EXOC4: variants seen among roughly 807,000 people sequenced by gnomAD.
EXOC4 encodes exocyst complex component 4.
Under a neutral mutation model 107.2 loss-of-function variants are expected in EXOC4, and 71 were observed. That is an observed-to-expected ratio of 0.66 (90% CI 0.55 to 0.81). The LOEUF (loss-of-function observed/expected upper bound fraction) is 0.81, where lower values mean the gene tolerates loss of function less well. Among genes scored for constraint, EXOC4 ranks in the 30% least tolerant of loss-of-function variants. EXOC4 has a pLI of 0.00. For synonymous variants in EXOC4, 456 were observed against 441.2 expected (o/e 1.03, Z -0.42); for missense variants, 1,108 against 1,189.6 (o/e 0.93, Z 1.01).
chr7:133,599,765 G>T (rs948362644), intron 9 of EXOC4, among the ~76,000 whole-genome samples: 4 of 152,046 alleles, frequency 2.6e-5, no homozygotes, highest in Non-Finnish European at 2.9e-5. Flanking sequence ...GGTATCTCTG[G>T]TGGGTAAAGT....
chr7:133,931,123 A>G (rs1378456771), intron 13 of EXOC4, among the ~76,000 whole-genome samples: 1 of 152,198 alleles, frequency 6.6e-6, no homozygotes, highest in Non-Finnish European at 1.5e-5. Flanking sequence ...ACATTGTCAT[A>G]CAACCAAAAG....
chr7:133,451,674 CT>C (rs1798351377), intron 7 of EXOC4, among the ~76,000 whole-genome samples: 1 of 152,096 alleles, frequency 6.6e-6, no homozygotes, highest in Non-Finnish European at 1.5e-5. Flanking sequence ...GTTACACGGA[CT>C]TATTTGGGGA....
At chr7:134,096,894 A>G in the EXOC4 span, among the ~76,000 whole-genome samples, 1 of 151,958 alleles carries the variant, frequency 6.6e-6, no homozygotes, top group Non-Finnish European at 1.5e-5. Flanking sequence ...CACAGACACA[A>G]CCAGGAACAA....
intron 10 of EXOC4, among the ~76,000 whole-genome samples, chr7:133,681,691 G>A (rs1794190623): frequency 6.6e-6 from 1 of 151,424 alleles, no homozygotes; most frequent in Non-Finnish European, 1.5e-5. Context: ...ATTTGGGTGG[G>A]CACACAGCCA....
intron 11 of EXOC4, among the ~76,000 whole-genome samples, chr7:133,883,075 A>G (rs1798999574): frequency 6.6e-6 from 1 of 152,124 alleles, no homozygotes; most frequent in Non-Finnish European, 1.5e-5. Context: ...AAGGGTAGCC[A>G]CTATTCTGAC....
intron 7 of EXOC4, among the ~76,000 whole-genome samples, chr7:133,468,715 T>A (rs1436456270): frequency 6.6e-6 from 1 of 152,174 alleles, no homozygotes; most frequent in Non-Finnish European, 1.5e-5. Flanking sequence ...CCAGAGGAAT[T>A]CGCCTACTGT....
the EXOC4 span, among the ~76,000 whole-genome samples, chr7:134,071,778 A>G: frequency 6.6e-6 from 1 of 152,212 alleles, no homozygotes; most frequent in African/African-American, 2.4e-5. Flanking sequence ...TAGAAGCAAG[A>G]TGGAGTCAAC....
intron 17 of EXOC4, among the ~76,000 whole-genome samples, chr7:134,060,961 A>G (rs1182583767): frequency 1.3e-5 from 2 of 152,138 alleles, no homozygotes; most frequent in African/African-American, 4.8e-5. Context: ...GCTCTTGAGG[A>G]CTCTTTTAGT....
chr7:133,551,561 T>A (rs1800590236), intron 9 of EXOC4: 1 of 152,276 alleles, frequency 6.6e-6, no homozygotes, highest in South Asian at 2.1e-4. Context: ...AAGATTAAAA[T>A]GTGAATATTC....
At chr7:133,938,125 A>G (rs2116729844) in intron 14 of EXOC4, 56 bp downstream of exon 14, 1 of 1,562,316 alleles carries the variant, frequency 6.4e-7, no homozygotes, top group Non-Finnish European at 8.8e-7. Flanking sequence ...GACTGAATGC[A>G]TTCATTGAAA....
intron 14 of EXOC4, among the ~76,000 whole-genome samples, chr7:133,943,455 G>C (rs1467386194): frequency 6.6e-6 from 1 of 152,128 alleles, no homozygotes; most frequent in Non-Finnish European, 1.5e-5. Flanking sequence ...TTCAATACCA[G>C]AAAACCTCTA....
chr7:133,310,433 C>T (rs1584799223), intron 4 of EXOC4, among the ~76,000 whole-genome samples: 3 of 152,146 alleles, frequency 2.0e-5, no homozygotes, highest in African/African-American at 7.2e-5. Flanking sequence ...CTTCAAGGTC[C>T]TCTGCTGATG....
intron 5 of EXOC4, among the ~76,000 whole-genome samples, chr7:133,343,984 A>G (rs1795727358): frequency 6.6e-6 from 1 of 151,136 alleles, no homozygotes; most frequent in Non-Finnish European, 1.5e-5. Flanking sequence ...CAACTTTTTT[A>G]TTTTTGTTTT....
chr7:133,910,121 C>T (rs936938457), intron 12 of EXOC4, among the ~76,000 whole-genome samples: 2 of 152,096 alleles, frequency 1.3e-5, no homozygotes, highest in African/African-American at 4.8e-5. Context: ...AGGGTTTCGC[C>T]ATGTTGGCCA....
intron 5 of EXOC4, among the ~76,000 whole-genome samples, chr7:133,332,199 G>A (rs1196003253): frequency 6.6e-6 from 1 of 152,094 alleles, no homozygotes; most frequent in East Asian, 1.9e-4. Context: ...GGACTTCTTA[G>A]TTCTTTTCTT....
Position 133,535,820 on chromosome 7 carries a change from G to A in EXOC4, c.1417+55682G>A, listed in dbSNP as rs539399485. ...TTTAAATATTTCCAGCATACATTTT[G>A]TTGCTGTTAGAAACTATGAATAAGC... On this transcript the variant is annotated intron_variant, in intron 9 of 17. Transcript: ENST00000253861. Among the ~76,000 whole-genome samples, 27 of 152,202 alleles carry A rather than the reference G, an allele frequency of 1.8e-4. No homozygotes were observed. In the South Asian group the frequency reaches 5.6e-3, roughly 32 times the overall value.
At chr7:133,765,571 A>G (rs1262668046) in intron 10 of EXOC4, among the ~76,000 whole-genome samples, 1 of 152,018 alleles carries the variant, frequency 6.6e-6, no homozygotes, top group Non-Finnish European at 1.5e-5. Context: ...GATAAAAATA[A>G]AAAGGGAGTG....
intron 13 of EXOC4, among the ~76,000 whole-genome samples, chr7:133,935,786 T>G (rs1031686726): frequency 6.6e-6 from 1 of 152,190 alleles, no homozygotes; most frequent in Non-Finnish European, 1.5e-5. Flanking sequence ...ATAAATGGAA[T>G]AAGACTTCCA....
At chr7:133,884,581 C>CTGTGTGTGTGTGTGTGTGTGTGTGTGTG (rs34350149) in intron 11 of EXOC4, among the ~76,000 whole-genome samples, 1 of 143,632 alleles carries the variant, frequency 7.0e-6, no homozygotes, top group African/African-American at 2.6e-5. Context: ...GCCCTATGCT[C>CTGTGTGTGTGTGTGTGTGTGTGTGTGTG]TGTGTGTGTG....
Sources: gnomAD v4.1 joint callset for allele counts (sites outside exome capture counted in the v4.1 genomes callset) on GRCh38, gnomAD v4.1.1 for gene constraint, MANE v1.5 for transcripts, NCBI Gene and HGNC (gene_info 2026-07-23, HGNC 2026-07-21) for gene names.